Variants in FAM13B observed in about 807,000 individuals in gnomAD.
FAM13B encodes family with sequence similarity 13 member B, also known as protein FAM13B.
In FAM13B, 60 loss-of-function variants were observed where a neutral mutation model predicts 117.3. The ratio of observed to expected loss-of-function variants is 0.51; its 90% confidence interval spans 0.42 to 0.63. The LOEUF is 0.63. FAM13B is among the 30% of genes least tolerant of loss of function. FAM13B has a pLI of 0.00. For synonymous variants in FAM13B, 332 were observed against 356.1 expected, an observed-to-expected ratio of 0.93 and a Z score of 0.76; for missense variants, 972 against 1,091.9, an observed-to-expected ratio of 0.89 and a Z score of 1.55.
At chr5:138,046,038 G>A (rs538388463) in intron 1 of FAM13B, among the ~76,000 whole-genome samples, 41 of 152,174 alleles carry the variant, frequency 2.7e-4, no homozygotes, top group Non-Finnish European at 5.3e-4. Context: ...TGGGAGGGAT[G>A]CAGTGGGAAG....
At chr5:138,023,799 ATCCACCCAC>A (rs1787441063) in intron 1 of FAM13B, among the ~76,000 whole-genome samples, 1 of 152,144 alleles carries the variant, frequency 6.6e-6, no homozygotes, top group Non-Finnish European at 1.5e-5. Context: ...GGCTCAGGCA[ATCCACCCAC>A]TTCAGCCTCC....
intron 6 of FAM13B, among the ~76,000 whole-genome samples, chr5:138,007,923 T>A (rs1782959848): frequency 6.6e-6 from 1 of 152,216 alleles, no homozygotes; most frequent in African/African-American, 2.4e-5. Context: ...TTAAAGACTC[T>A]GAGCAATGCA....
chr5:138,019,259 G>T, intron 2 of FAM13B, 113 bp from the exon 3 acceptor site: 1 of 893,628 alleles, frequency 1.1e-6, no homozygotes, highest in Non-Finnish European at 1.7e-6. Context: ...CTATTTAAAT[G>T]TTCCAGTTAG....
chr5:137,999,345 A>C (rs912469012), intron 7 of FAM13B, among the ~76,000 whole-genome samples: 3 of 152,122 alleles, frequency 2.0e-5, no homozygotes, highest in African/African-American at 7.2e-5. Context: ...TGGGAGGCTG[A>C]AGTGGGCAGA....
intron 10 of FAM13B, among the ~76,000 whole-genome samples, chr5:137,980,123 A>G (rs892581905): frequency 5.3e-5 from 8 of 151,766 alleles, no homozygotes; most frequent in African/African-American, 1.9e-4. Flanking sequence ...CACTGAGCCC[A>G]CATCACACGA....
chr5:137,945,422 A>G (rs1175819039), intron 20 of FAM13B, among the ~76,000 whole-genome samples: 1 of 152,200 alleles, frequency 6.6e-6, no homozygotes, highest in South Asian at 2.1e-4. Context: ...TTCTCATTAA[A>G]AAGATTAACT....
intron 7 of FAM13B, among the ~76,000 whole-genome samples, chr5:137,996,645 T>C (rs1253423352): frequency 6.6e-6 from 1 of 151,956 alleles, no homozygotes; most frequent in Admixed American, 6.6e-5. Flanking sequence ...CAGACTGGAG[T>C]GCAATGTGCA....
At chr5:138,000,921 C>A (rs1781065073) in intron 7 of FAM13B, among the ~76,000 whole-genome samples, 1 of 128,046 alleles carries the variant, frequency 7.8e-6, no homozygotes, top group Non-Finnish European at 1.6e-5. Context: ...CAGAGCAAGA[C>A]ACTGTCTCAA....
intron 1 of FAM13B, among the ~76,000 whole-genome samples, chr5:138,043,323 A>G (rs1317397401): frequency 6.6e-6 from 1 of 152,164 alleles, no homozygotes; most frequent in Non-Finnish European, 1.5e-5. Context: ...TGATTGTGCC[A>G]CTGCACTCCA....
intron 10 of FAM13B, among the ~76,000 whole-genome samples, chr5:137,974,741 T>A (rs1270985875): frequency 1.3e-5 from 2 of 151,540 alleles, no homozygotes; most frequent in Non-Finnish European, 2.9e-5. Flanking sequence ...TCCAACATTA[T>A]CTTTTATGTC....
intron 7 of FAM13B, among the ~76,000 whole-genome samples, chr5:137,995,289 G>A (rs916725218): frequency 2.0e-5 from 3 of 152,134 alleles, no homozygotes; most frequent in African/African-American, 7.2e-5. Context: ...CTTTTCAGGA[G>A]GTGGACAAAG....
chr5:137,999,792 A>AC (rs1390242799), intron 7 of FAM13B, among the ~76,000 whole-genome samples: 2 of 152,134 alleles, frequency 1.3e-5, no homozygotes, highest in Admixed American at 6.6e-5. Flanking sequence ...GCCCATTGAT[A>AC]GACTTTTCAC....
At chr5:137,950,069 A>C (rs1764533228) in intron 17 of FAM13B, among the ~76,000 whole-genome samples, 1 of 152,240 alleles carries the variant, frequency 6.6e-6, no homozygotes, top group Non-Finnish European at 1.5e-5. Flanking sequence ...TGGGAGATAC[A>C]GAAGAAAACA....
At chr5:138,011,512 C>T (rs1205721738) in intron 5 of FAM13B, among the ~76,000 whole-genome samples, 3 of 151,936 alleles carry the variant, frequency 2.0e-5, no homozygotes, top group Admixed American at 6.6e-5. Context: ...TCCGCCTCCC[C>T]GGGTTCACGC....
intron 8 of FAM13B, among the ~76,000 whole-genome samples, chr5:137,988,036 A>G (rs1581182784): frequency 6.6e-6 from 1 of 152,144 alleles, no homozygotes; most frequent in East Asian, 1.9e-4. Context: ...TTCTATGAAC[A>G]TTTTTCAATT....
At chr5:137,951,635 G>A (rs1049108984) in intron 17 of FAM13B, among the ~76,000 whole-genome samples, 2 of 152,018 alleles carry the variant, frequency 1.3e-5, no homozygotes, top group Non-Finnish European at 1.5e-5. Context: ...CTTCAACCTC[G>A]ATGACAGAGC....
chr5:137,986,779 G>A (rs1334758098), intron 9 of FAM13B, among the ~76,000 whole-genome samples: 1 of 152,188 alleles, frequency 6.6e-6, no homozygotes, highest in East Asian at 1.9e-4. Flanking sequence ...AAAATTTTCA[G>A]AGAGCATGAC....
At chr5:137,988,250 G>C (rs938212343) in intron 8 of FAM13B, 24 bp downstream of exon 8, 1 of 1,506,552 alleles carries the variant, frequency 6.6e-7, no homozygotes, top group Non-Finnish European at 8.9e-7. Flanking sequence ...TTAAAAATTT[G>C]TCTTCTATAA....
chr5:137,973,209 T>C (rs1028805924), intron 10 of FAM13B, among the ~76,000 whole-genome samples: 2 of 152,152 alleles, frequency 1.3e-5, no homozygotes, highest in African/African-American at 2.4e-5. Context: ...CTTCAAACTA[T>C]ACTATAAGGC....
Sources: gnomAD v4.1 joint callset for allele counts (sites outside exome capture counted in the v4.1 genomes callset) on GRCh38, gnomAD v4.1.1 for gene constraint, MANE v1.5 for transcripts, NCBI Gene and HGNC (gene_info 2026-07-23, HGNC 2026-07-21) for gene names.